Variants in LARGE1 observed in about 807,000 individuals in gnomAD.
LARGE1 encodes the protein LARGE xylosyl- and glucuronyltransferase 1.
In LARGE1, 43 loss-of-function variants were observed where a neutral mutation model predicts 87.6. The ratio of observed to expected loss-of-function variants is 0.49; its 90% CI spans 0.38 to 0.63. LARGE1 has a LOEUF of 0.63. LARGE1 is among the 30% of genes least tolerant of loss of function. The probability of loss-of-function intolerance (pLI) is 0.00; values close to 1 mark genes in which losing one functional copy is unlikely to be tolerated. For synonymous variants in LARGE1, 434 were observed against 394.6 expected (o/e 1.10, Z -1.18); for missense variants, 802 against 1,000.2 (o/e 0.80, Z 2.67).
At chr22:33,173,402 C>A (rs1007842856) in intron 11 of LARGE1, among the ~76,000 whole-genome samples, 1 of 152,096 alleles carries the variant, frequency 6.6e-6, no homozygotes, top group Non-Finnish European at 1.5e-5. Flanking sequence ...AAAAACAGAC[C>A]AAATTGTAAA....
At chr22:33,192,761 G>T (rs1032093131) in intron 11 of LARGE1, among the ~76,000 whole-genome samples, 2 of 152,068 alleles carry the variant, frequency 1.3e-5, no homozygotes, top group African/African-American at 4.8e-5. Context: ...ATGTCAAGAG[G>T]CTTTTTCTCT....
At chr22:33,757,580 T>C (rs1193995622) in intron 2 of LARGE1, among the ~76,000 whole-genome samples, 2 of 152,044 alleles carry the variant, frequency 1.3e-5, no homozygotes, top group Non-Finnish European at 2.9e-5. Context: ...GTAATCCAAC[T>C]CCAAAACCCT....
At chr22:33,721,529 C>T (rs1355901009) in intron 2 of LARGE1, among the ~76,000 whole-genome samples, 1 of 152,150 alleles carries the variant, frequency 6.6e-6, no homozygotes, top group Non-Finnish European at 1.5e-5. Flanking sequence ...AGTACACACA[C>T]CTATGAGCAT....
At chr22:33,610,898 C>T (rs2079408508) in intron 4 of LARGE1, among the ~76,000 whole-genome samples, 1 of 152,176 alleles carries the variant, frequency 6.6e-6, no homozygotes, top group Non-Finnish European at 1.5e-5. Flanking sequence ...CAGCCTCAGC[C>T]CAAAGGGCCC....
the LARGE1 span, chr22:33,109,198 C>T: frequency 1.3e-5 from 2 of 152,122 alleles, no homozygotes; most frequent in African/African-American, 4.8e-5. Context: ...GAAGTCTCAA[C>T]ACAGAGCCCC....
rs1045537855 is a variant in LARGE1, at chr22:33,359,709, G to A, written c.1132-21908C>T. The stretch of plus-strand genomic sequence containing the variant: ...TTCTCGAGTAGCTGGGACTACAGGC[G>A]CCCACCACCACGCCCGGCTAATTTT... On this transcript the variant is annotated intron_variant, in intron 9 of 14. Transcript: ENST00000397394. Among the ~76,000 whole-genome samples, 58 of 149,082 alleles carry A rather than the reference G, an allele frequency of 3.9e-4. 1 individual carries two copies. Among genetic ancestry groups the A allele is most frequent in the Admixed American group, 1.3e-3 (19 of 15,048 alleles).
chr22:33,089,277 CTTG>C, the LARGE1 span, among the ~76,000 whole-genome samples: 50 of 146,962 alleles, frequency 3.4e-4, 1 homozygote, highest in South Asian at 0.01. Context: ...TCTTCTTCTT[CTTG>C]TTCTTCTTCT....
chr22:33,495,722 C>T (rs550122253), intron 6 of LARGE1, among the ~76,000 whole-genome samples: 4 of 152,112 alleles, frequency 2.6e-5, no homozygotes, highest in South Asian at 2.1e-4. Context: ...GTCTCAAAAA[C>T]GAAACAAAAC....
At chr22:33,538,930 A>G (rs1056705777) in intron 6 of LARGE1, among the ~76,000 whole-genome samples, 1 of 152,224 alleles carries the variant, frequency 6.6e-6, no homozygotes, top group Non-Finnish European at 1.5e-5. Context: ...AGGGTTTGTA[A>G]CACATTTGAA....
intron 11 of LARGE1, among the ~76,000 whole-genome samples, chr22:33,266,656 C>G (rs1927961991): frequency 6.6e-6 from 1 of 151,706 alleles, no homozygotes; most frequent in African/African-American, 2.4e-5. Flanking sequence ...TTCTCCATGA[C>G]TCTCCAGCAG....
chr22:33,766,769 T>C lies in LARGE1; in HGVS notation c.-82-5211A>G, dbSNP rs188203867. 2.5e-4 allele frequency among the ~76,000 whole-genome samples: 38 copies of C among 152,018 alleles called. No homozygotes were observed. In the East Asian group the frequency reaches 6.4e-3, roughly 26 times the overall value. On this transcript the variant is annotated intron_variant, in intron 1 of 14. Coordinates refer to ENST00000397394, the MANE Select transcript of LARGE1 (RefSeq NM_133642.5). Reference sequence around the variant, plus strand: ...ACAGGATTCAAAGCTAAATGTATTATATAATGTGATCACAAGTATCCTTCA... The same window carrying C: ...ACAGGATTCAAAGCTAAATGTATTACATAATGTGATCACAAGTATCCTTCA...
At position 33,559,914 on chromosome 22, in the gene LARGE1, C is replaced by T. The variant is rs1280301531; in HGVS notation, c.787+4934G>A. Among the ~76,000 whole-genome samples, 4 of 152,268 alleles carry T rather than the reference C, an allele frequency of 2.6e-5. No homozygotes were observed. The East Asian group carries it at 5.8e-4, about 22-fold the overall frequency. ...GCCTTTGTTCTCTGAATGCCTAGAT[C>T]GCCTTGGGCCCGCCCTCTACAACCT... On this transcript the variant is annotated intron_variant, in intron 6 of 14. Coordinates refer to ENST00000397394, the MANE Select transcript of LARGE1 (RefSeq NM_133642.5).
At chr22:33,586,395 C>T (rs2078673621) in intron 5 of LARGE1, among the ~76,000 whole-genome samples, 1 of 152,022 alleles carries the variant, frequency 6.6e-6, no homozygotes, top group South Asian at 2.1e-4. Flanking sequence ...CCATGGTATG[C>T]TGCACCCTTA....
At chr22:33,742,657 T>C (rs550997783) in intron 2 of LARGE1, among the ~76,000 whole-genome samples, 5 of 152,364 alleles carry the variant, frequency 3.3e-5, no homozygotes, top group African/African-American at 9.6e-5. Flanking sequence ...CACTGCCTAA[T>C]AAAACCACGC....
intron 1 of LARGE1, among the ~76,000 whole-genome samples, chr22:33,859,015 G>A (rs916614281): frequency 2.6e-5 from 4 of 151,272 alleles, no homozygotes; most frequent in South Asian, 2.1e-4. Flanking sequence ...CACAGGGAGG[G>A]GAACATCACA....
chr22:33,557,319 C>G (rs2077719771), intron 6 of LARGE1, among the ~76,000 whole-genome samples: 1 of 152,022 alleles, frequency 6.6e-6, no homozygotes, highest in Admixed American at 6.6e-5. Context: ...CTTGGCTGGA[C>G]CAATGGAAGA....
At chr22:33,741,849 G>A (rs5994793) in intron 2 of LARGE1, among the ~76,000 whole-genome samples, 2,945 of 152,276 alleles carry the variant, frequency 0.019, 92 homozygotes, top group African/African-American at 0.066. Context: ...GCAAGAGAAC[G>A]TGAGTGGGTT....
At chr22:33,237,368 G>A (rs1176523424) in intron 11 of LARGE1, among the ~76,000 whole-genome samples, 1 of 152,078 alleles carries the variant, frequency 6.6e-6, no homozygotes, top group Non-Finnish European at 1.5e-5. Flanking sequence ...TGGTTTCCTG[G>A]TTCTGTCCTC....
chr22:33,868,764 C>G (rs972667731), intron 1 of LARGE1, among the ~76,000 whole-genome samples: 46 of 152,298 alleles, frequency 3.0e-4, no homozygotes, highest in Admixed American at 1.6e-3. Context: ...TGTCAAATCC[C>G]AACTCATCAT....
Sources: allele counts gnomAD v4.1 joint callset (sites outside exome capture counted in the v4.1 genomes callset), GRCh38; gene constraint gnomAD v4.1.1; transcripts MANE v1.5; gene names NCBI Gene and HGNC (gene_info 2026-07-23, HGNC 2026-07-21).